Variants in WDR19 observed in about 807,000 individuals in gnomAD.
The protein encoded by WDR19 is WD repeat domain 19.
WDR19 carries 121 observed loss-of-function variants against 180.0 expected under a neutral mutation model. The ratio of observed to expected loss-of-function variants is 0.67; its 90% confidence interval spans 0.58 to 0.78. WDR19 has a LOEUF of 0.78. Among genes scored for constraint, WDR19 ranks in the 30% least tolerant of loss-of-function variants. The pLI is 0.00. For missense variants in WDR19, 1,450 were observed against 1,640.7 expected, an observed-to-expected ratio of 0.88 and a Z score of 2.01; for synonymous variants, 497 against 540.7, an observed-to-expected ratio of 0.92 and a Z score of 1.12.
chr4:39,194,823 G>A, intron 5 of WDR19, 164 bp downstream of exon 5: 1 of 578,444 alleles, frequency 1.7e-6, no homozygotes, highest in Non-Finnish European at 3.1e-6. Context: ...GAAGATCCCT[G>A]TTCACTGCTT....
chr4:39,285,061 T>G (rs1237512836), intron 36 of WDR19, among the ~76,000 whole-genome samples: 4 of 123,042 alleles, frequency 3.3e-5, no homozygotes, highest in South Asian at 4.8e-4. Flanking sequence ...CCCCATCATC[T>G]CCTAGGAAAA....
At chr4:39,241,962 T>C (rs182609287) in intron 21 of WDR19, among the ~76,000 whole-genome samples, 43 of 149,746 alleles carry the variant, frequency 2.9e-4, no homozygotes, top group African/African-American at 9.5e-4. Flanking sequence ...AAAAATGAAA[T>C]CATTCATTTC....
rs531384782 is a variant in WDR19 at position 39,208,513 on chromosome 4, G to GC, written c.890+2778dup. 1.5e-3 allele frequency among the ~76,000 whole-genome samples: 227 copies of GC among 151,888 alleles called. 2 individuals are homozygous for GC. Among genetic ancestry groups the GC allele is most frequent in the African/African-American group, 5.3e-3 (219 of 41,466 alleles). On this transcript the variant is annotated intron_variant, in intron 9 of 36. Coordinates refer to ENST00000399820, the MANE Select transcript of WDR19 (RefSeq NM_025132.4). Reference sequence around the variant, plus strand: ...GTAGAGACGGGGTTGTACCATGTTGGCAGGCTGGTTTCGAACTGACCTCAA... The same window carrying GC: ...GTAGAGACGGGGTTGTACCATGTTGGCCAGGCTGGTTTCGAACTGACCTCAA...
At chr4:39,205,804 T>C in intron 9 of WDR19, 68 bp downstream of exon 9, 1 of 1,344,372 alleles carries the variant, frequency 7.4e-7, no homozygotes, top group Middle Eastern at 2.3e-4. Context: ...AGCCAAACTT[T>C]GTTAGCTAAT....
intron 36 of WDR19, among the ~76,000 whole-genome samples, chr4:39,281,228 T>TAGAGAGAG (rs1437561762): frequency 5.1e-5 from 5 of 98,736 alleles, no homozygotes; most frequent in African/African-American, 2.2e-4. Flanking sequence ...TATATATATA[T>TAGAGAGAG]ATATATATAG....
intron 19 of WDR19, 146 bp from the exon 20 acceptor site, chr4:39,234,620 A>C: frequency 1.5e-6 from 1 of 646,146 alleles, no homozygotes; most frequent in Non-Finnish European, 2.8e-6. Context: ...AATACATACT[A>C]TAGTAATATA....
rs751402776 is a variant in WDR19, at chr4:39,205,583, T to C, written c.737T>C (p.Met246Thr). 1 of 1,613,422 alleles carries C rather than the reference T, an allele frequency of 6.2e-7. No homozygotes were observed. The highest frequency in any genetic ancestry group is 8.5e-7 in the Non-Finnish European group (1 of 1,179,716). ...TATAGGTATGGTGATGGCCGCATCA[T>C]GATTGGTTTTTCATGTGGACATTTT... ...CYNWYGDGRIMIGFSCGHFVV... is the reference protein window; with the variant it reads ...CYNWYGDGRITIGFSCGHFVV... The change falls in exon 9 of 37, where the codon ATG becomes ACG. Residue 246 changes from methionine (M) to threonine (T), a missense_variant. Physicochemically the swap from Met to Thr is moderately conservative, Grantham distance 81. Transcript: ENST00000399820.
chr4:39,217,835 C>T, intron 13 of WDR19, 148 bp from the exon 14 acceptor site: 1 of 956,876 alleles, frequency 1.0e-6, no homozygotes, highest in Admixed American at 2.7e-5. Flanking sequence ...GCCGTGGTTC[C>T]TGTGTGATAG....
At chr4:39,255,791 C>A in intron 26 of WDR19, 57 bp from the exon 27 acceptor site, 2 of 890,812 alleles carry the variant, frequency 2.2e-6, no homozygotes, top group South Asian at 2.5e-5. Flanking sequence ...TTCAGGTTAG[C>A]AATAAAAGGT....
intron 19 of WDR19, among the ~76,000 whole-genome samples, chr4:39,234,364 T>C (rs554545290): frequency 6.6e-6 from 1 of 152,322 alleles, no homozygotes; most frequent in East Asian, 1.9e-4. Context: ...CCAATTCCTA[T>C]AGCAAAGTGT....
intron 31 of WDR19, 102 bp downstream of exon 31, chr4:39,270,202 A>T: frequency 6.9e-7 from 1 of 1,456,602 alleles, no homozygotes; most frequent in Non-Finnish European, 9.4e-7. Context: ...GATTGTCTAG[A>T]TGTCTGTATT....
intron 15 of WDR19, among the ~76,000 whole-genome samples, chr4:39,225,310 T>TA (rs2109350818): frequency 6.6e-6 from 1 of 152,326 alleles, no homozygotes; most frequent in East Asian, 1.9e-4. Context: ...ATCATATACT[T>TA]ACTGCACAAT....
intron 15 of WDR19, 69 bp downstream of exon 15, chr4:39,225,102 C>G: frequency 7.8e-7 from 1 of 1,280,822 alleles, no homozygotes; most frequent in Non-Finnish European, 1.0e-6. Flanking sequence ...TGTTTAAAGC[C>G]TATCTCATGT....
intron 35 of WDR19, 111 bp downstream of exon 35, chr4:39,278,318 A>AT (rs1306009832): frequency 6.2e-6 from 7 of 1,126,466 alleles, no homozygotes; most frequent in Non-Finnish European, 8.9e-6. Context: ...AGGATCTCTA[A>AT]AGACTCAAAT....
At chr4:39,211,652 C>T (rs1728514775) in intron 9 of WDR19, among the ~76,000 whole-genome samples, 1 of 152,000 alleles carries the variant, frequency 6.6e-6, no homozygotes, top group Admixed American at 6.6e-5. Flanking sequence ...AAAATGAAAA[C>T]CAATACCATT....
In WDR19 at chr4:39,212,422, G is replaced by A. The variant is rs537188199; in HGVS notation, c.891-2179G>A. Among the ~76,000 whole-genome samples the A allele has an allele frequency of 3.6e-4, 55 of 152,232 alleles. 1 individual carries two copies. The highest frequency in any genetic ancestry group is 1.2e-3 in the African/African-American group (49 of 41,554). ...TTCTTAGACTTGAAACCAAAAGTACGATCTATAAAAGGAAAAATTGATAAA... is the reference window on the plus strand; with the variant it reads ...TTCTTAGACTTGAAACCAAAAGTACAATCTATAAAAGGAAAAATTGATAAA... On this transcript the variant is annotated intron_variant, in intron 9 of 36. Transcript: ENST00000399820.
At chr4:39,209,214 A>G (rs1728250902) in intron 9 of WDR19, among the ~76,000 whole-genome samples, 1 of 152,208 alleles carries the variant, frequency 6.6e-6, no homozygotes, top group Non-Finnish European at 1.5e-5. Context: ...ACCTGCAAAC[A>G]CTTGGAAATT....
intron 6 of WDR19, among the ~76,000 whole-genome samples, chr4:39,200,702 A>G (rs1190617395): frequency 6.6e-6 from 1 of 152,130 alleles, no homozygotes; most frequent in African/African-American, 2.4e-5. Context: ...CTTTTGCCAT[A>G]TTTTGTTCTT....
chr4:39,194,706 T>G (rs1726535389), intron 5 of WDR19, 47 bp downstream of exon 5: 1 of 1,406,568 alleles, frequency 7.1e-7, no homozygotes, highest in South Asian at 1.2e-5. Flanking sequence ...ATGCTCTACC[T>G]CAATGTAAAT....
Sources: gnomAD v4.1 joint callset for allele counts (sites outside exome capture counted in the v4.1 genomes callset) on GRCh38, gnomAD v4.1.1 for gene constraint, MANE v1.5 for transcripts, NCBI Gene and HGNC (gene_info 2026-07-23, HGNC 2026-07-21) for gene names.